Variants in NDST1 observed in about 807,000 individuals in gnomAD.
NDST1 encodes the protein N-deacetylase and N-sulfotransferase 1, also known as bifunctional heparan sulfate N-deacetylase/N-sulfotransferase 1.
In NDST1, 35 loss-of-function variants were observed where a neutral mutation model predicts 92.8. The observed-to-expected ratio is 0.38, with a 90% confidence interval of 0.29 to 0.50. NDST1 has a LOEUF of 0.50. Among genes scored for constraint, NDST1 ranks in the 20% least tolerant of loss-of-function variants. The pLI is 0.94. For missense variants in NDST1, 822 were observed against 1,182.7 expected, an observed-to-expected ratio of 0.69 and a Z score of 4.47; for synonymous variants, 493 against 500.3, an observed-to-expected ratio of 0.99 and a Z score of 0.19.
chr5:150,544,101 C>T (rs1158313025), intron 10 of NDST1, among the ~76,000 whole-genome samples: 2 of 152,294 alleles, frequency 1.3e-5, no homozygotes, highest in East Asian at 1.9e-4. Flanking sequence ...TCTAACATCT[C>T]CACAGTCTCT....
In NDST1 at chr5:150,551,768, A is replaced by G. The variant is rs776081882; in HGVS notation, c.2442A>G (p.Lys814=). 2 of 1,613,302 alleles carry G rather than the reference A, an allele frequency of 1.2e-6. No individual in the cohort carries two copies. Among genetic ancestry groups the G allele is most frequent in the South Asian group, 2.2e-5 (2 of 91,058 alleles). Residue 814 remains lysine, a synonymous_variant, in exon 14 of 15, where the codon AAA becomes AAG. Coordinates refer to ENST00000261797, the MANE Select transcript of NDST1 (RefSeq NM_001543.5). ...ACCTCCACAGGTTTGATCCAAAGAA[A>G]GGATTTTGGTGCCAACTGCTTGAAG... The part of the protein sequence containing the change: ...YHKTLAFDPK[K]GFWCQLLEGG...
intron 1 of NDST1, among the ~76,000 whole-genome samples, chr5:150,518,241 C>T (rs534245641): frequency 1.7e-4 from 26 of 152,228 alleles, no homozygotes; most frequent in African/African-American, 5.5e-4. Flanking sequence ...CCTTCCCTGT[C>T]CCCTCCTTCC....
intron 10 of NDST1, among the ~76,000 whole-genome samples, chr5:150,543,925 G>A (rs1278876989): frequency 6.6e-6 from 1 of 152,112 alleles, no homozygotes; most frequent in Non-Finnish European, 1.5e-5. Context: ...GACTACAGGT[G>A]CCCGCCACCA....
intron 2 of NDST1, among the ~76,000 whole-genome samples, chr5:150,525,804 C>T (rs888420799): frequency 1.7e-4 from 26 of 152,150 alleles, no homozygotes; most frequent in African/African-American, 6.3e-4. Flanking sequence ...CTGAGCAGCT[C>T]TCCTGGGGGC....
rs997704534 is a variant in NDST1, at chr5:150,553,502, C to T, written c.*170C>T. On this transcript the variant is annotated 3_prime_UTR_variant, in exon 15 of 15. Coordinates refer to ENST00000261797, the MANE Select transcript of NDST1 (RefSeq NM_001543.5). This position sits in a 1 kb window ranked among gnomAD's most constrained non-coding sequence, Gnocchi z 4.2. ...GAGCACCCAGGCGGATCTGCAAGCA[C>T]CTCGGAGCACCCACCGCTGGGTCTG... is the stretch of plus-strand genomic sequence containing the variant. 1.1e-5 allele frequency: 10 copies of T among 876,600 alleles called. No homozygotes were observed. In the African/African-American group the frequency reaches 1.5e-4, roughly 13 times the overall value. 54.3% of individuals were successfully genotyped at this position (876,600 alleles called of 1,614,324 possible).
At chr5:150,507,540 C>G (rs1359958178), upstream of NDST1, 1 of 152,410 alleles carries the variant, frequency 6.6e-6, no homozygotes, top group Non-Finnish European at 1.5e-5. Flanking sequence ...CTTACACCCT[C>G]CACACCTTTG....
Position 150,523,572 on chromosome 5 carries a change from C to T in NDST1, c.513+1805C>T, listed in dbSNP as rs147772037. The stretch of plus-strand genomic sequence containing the variant: ...GTCTGGGATTTGAACTCAAGCAGTC[C>T]GGCCCCAGAGGCCTTAGTCTTAACC... On this transcript the variant is annotated intron_variant, in intron 2 of 14. Transcript: ENST00000261797. 1.1e-4 allele frequency among the ~76,000 whole-genome samples: 16 copies of T among 152,308 alleles called. No homozygotes were observed. The East Asian group carries it at 2.3e-3, about 22-fold the overall frequency.
At position 150,549,787 on chromosome 5, in the gene NDST1, C is replaced by A. The variant is rs201660056; in HGVS notation, c.2426C>A (p.Ala809Glu). ...TNTIDYHKTLAFDPKKGFWCQ... is the reference protein window; with the variant it reads ...TNTIDYHKTLEFDPKKGFWCQ... ...ACCATTGACTACCACAAAACCTTGG[C>A]GTGAGTGTTGCCTTTTCCTTTCTGC... is the stretch of plus-strand genomic sequence containing the variant. Residue 809 changes from alanine to glutamate, a missense_variant and splice_region_variant, in exon 13 of 15, where the codon GCG becomes GAG. Physicochemically the swap from Ala to Glu is moderately radical, Grantham distance 107 (BLOSUM62 -1). Coordinates refer to ENST00000261797, the MANE Select transcript of NDST1 (RefSeq NM_001543.5). The A allele has an allele frequency of 4.4e-6, 7 of 1,592,150 alleles. No individual in the cohort carries two copies. In the South Asian group the frequency reaches 6.6e-5, roughly 15 times the overall value.
At position 150,529,870 on chromosome 5, in the gene NDST1, G is replaced by A. The variant is rs150509408; in HGVS notation, c.1008+1572G>A. ...GGGGCCTGGAAGGAGGGTCCTGGTGGCATTCATCGCCCTGCCTTGGTCAGG... is the reference window on the plus strand; with the variant it reads ...GGGGCCTGGAAGGAGGGTCCTGGTGACATTCATCGCCCTGCCTTGGTCAGG... On this transcript the variant is annotated intron_variant, in intron 3 of 14. Coordinates refer to ENST00000261797, the MANE Select transcript of NDST1 (RefSeq NM_001543.5). 9.8e-5 allele frequency among the ~76,000 whole-genome samples: 15 copies of A among 152,330 alleles called. No homozygotes were observed. The East Asian group carries it at 2.7e-3, about 27-fold the overall frequency.
chr5:150,507,168 C>G (rs1487217320), upstream of NDST1, among the ~76,000 whole-genome samples: 1 of 152,224 alleles, frequency 6.6e-6, no homozygotes, highest in Non-Finnish European at 1.5e-5. Context: ...TAGGATTTCC[C>G]TGTGGCTGGC....
intron 14 of NDST1, among the ~76,000 whole-genome samples, chr5:150,552,790 T>C (rs977956517): frequency 1.3e-5 from 2 of 152,076 alleles, no homozygotes; most frequent in Non-Finnish European, 2.9e-5. Context: ...TAGAAGGAGA[T>C]TGTGGATAAA....
At position 150,534,955 on chromosome 5, in the gene NDST1, G is replaced by T; in HGVS notation, c.1185G>T (p.Gln395His). The change falls in exon 5 of 15, where the codon CAG becomes CAT. Residue 395 changes from glutamine to histidine, a missense_variant. Physicochemically the swap from Gln to His is conservative, Grantham distance 24. Transcript: ENST00000261797. ...WWFPHMWSHM[Q>H]PHLFHNQSVL... ...TCCCCCACATGTGGAGCCACATGCA[G>T]CCCCACCTTTTCCACAACCAGTCCG... 2 of 1,614,268 alleles carry T rather than the reference G, an allele frequency of 1.2e-6. No individual in the cohort carries two copies. Among genetic ancestry groups the T allele is most frequent in the Non-Finnish European group, 1.7e-6 (2 of 1,180,054 alleles).
intron 6 of NDST1, among the ~76,000 whole-genome samples, 159 bp from the exon 7 acceptor site, chr5:150,539,069 A>T: frequency 6.6e-6 from 1 of 152,094 alleles, no homozygotes; most frequent in East Asian, 1.9e-4. Context: ...CACTGGGGGG[A>T]ACGCTGTGCT....
At position 150,520,203 on chromosome 5, in the gene NDST1, T is replaced by C. The variant is rs866996886; in HGVS notation, c.-387-665T>C. Reference sequence around the variant, plus strand: ...CTACAGCCATGAGCTACAGGGGTGCTGGTGTTACAGATTAGCTCACTGATG... The same window carrying C: ...CTACAGCCATGAGCTACAGGGGTGCCGGTGTTACAGATTAGCTCACTGATG... On this transcript the variant is annotated intron_variant, in intron 1 of 14. Coordinates refer to ENST00000261797, the MANE Select transcript of NDST1 (RefSeq NM_001543.5). Among the ~76,000 whole-genome samples the C allele has an allele frequency of 1.8e-4, 28 of 152,330 alleles. No individual in the cohort carries two copies. The Middle Eastern group carries it at 0.014, about 74-fold the overall frequency.
At chr5:150,502,623 C>G (rs1753285959) in intron 1 of NDST1, among the ~76,000 whole-genome samples, 1 of 152,150 alleles carries the variant, frequency 6.6e-6, no homozygotes, top group Non-Finnish European at 1.5e-5. Flanking sequence ...GGAGTCTGTT[C>G]TGTGAGAACA....
At chr5:150,545,991 CTTTTTT>C (rs34937690) in intron 11 of NDST1, among the ~76,000 whole-genome samples, 1 of 83,688 alleles carries the variant, frequency 1.2e-5, no homozygotes. Context: ...CCAGAGCTGT[CTTTTTT>C]TTTTTTTTTT....
rs966609585 is a variant in NDST1 at position 150,556,519 on chromosome 5, C to T, written c.*3187C>T. On this transcript the variant is annotated 3_prime_UTR_variant, in exon 15 of 15. Transcript: ENST00000261797. ...AAAAGCAAATACAACAATGTTTTAC[C>T]AAACATTTAATTATGAATGCCCACT... 1 of 152,146 alleles carries T rather than the reference C, an allele frequency of 6.6e-6. No homozygotes were observed. Among genetic ancestry groups the T allele is most frequent in the Non-Finnish European group, 1.5e-5 (1 of 68,020 alleles). The allele number at this position is 152,146 out of a possible 1,614,324, so 9.4% of individuals were successfully genotyped here.
Position 150,533,140 on chromosome 5 carries a change from T to G in NDST1, c.1096+108T>G, listed in dbSNP as rs941489609. 24 of 1,110,746 alleles carry G rather than the reference T, an allele frequency of 2.2e-5. No homozygotes were observed. The African/African-American group carries it at 3.2e-4, about 15-fold the overall frequency. 68.8% of individuals were successfully genotyped at this position (1,110,746 alleles called of 1,614,324 possible). ...CAGCGGGTGGGTTTACTGGCCCACA[T>G]TAGAGGCAGAGGTGACCCCTCTGCC... On this transcript the variant is annotated intron_variant, in intron 4 of 14. Transcript: ENST00000261797.
intron 1 of NDST1, among the ~76,000 whole-genome samples, chr5:150,517,583 G>A (rs895622625): frequency 3.9e-5 from 6 of 152,104 alleles, no homozygotes; most frequent in Non-Finnish European, 7.3e-5. Context: ...ATCTACCATC[G>A]TCGTCTCATA....
Sources: allele counts gnomAD v4.1 joint callset (sites outside exome capture counted in the v4.1 genomes callset), GRCh38; gene constraint gnomAD v4.1.1; non-coding constraint Gnocchi (gnomAD v3.1); transcripts MANE v1.5; gene names NCBI Gene and HGNC (gene_info 2026-07-23, HGNC 2026-07-21).